LRBA: variants seen among roughly 807,000 people sequenced by gnomAD.
LRBA encodes lipopolysaccharide-responsive and beige-like anchor protein.
A neutral mutation model predicts 330.0 loss-of-function variants in LRBA; 176 were observed. That is an observed-to-expected ratio of 0.53 (90% CI 0.47 to 0.60). The LOEUF is 0.60. Ranked by LOEUF, LRBA falls within the 20% of genes least tolerant of loss-of-function variation. The pLI is 0.00. For synonymous variants in LRBA, 1,230 were observed against 1,193.0 expected (o/e 1.03, Z -0.64); for missense variants, 3,259 against 3,444.8 (o/e 0.95, Z 1.35).
chr4:150,353,736 A>G (rs1234131282), intron 47 of LRBA, among the ~76,000 whole-genome samples: 1 of 152,170 alleles, frequency 6.6e-6, no homozygotes, highest in Non-Finnish European at 1.5e-5. Flanking sequence ...CTCACCTTAC[A>G]TTGTCATAGG....
intron 37 of LRBA, among the ~76,000 whole-genome samples, chr4:150,618,322 C>G (rs1167441222): frequency 1.3e-5 from 2 of 152,108 alleles, no homozygotes; most frequent in Admixed American, 6.6e-5. Context: ...TCTTGTCTAT[C>G]TGAAAGACTC....
intron 44 of LRBA, among the ~76,000 whole-genome samples, chr4:150,441,714 C>T (rs189630365): frequency 2.1e-3 from 321 of 152,088 alleles, no homozygotes; most frequent in Non-Finnish European, 3.2e-3. Context: ...AGTAACCTAG[C>T]TCGAAATCAA....
chr4:150,765,007 T>G (rs1735564504), intron 34 of LRBA, among the ~76,000 whole-genome samples: 1 of 151,504 alleles, frequency 6.6e-6, no homozygotes, highest in Non-Finnish European at 1.5e-5. Flanking sequence ...TGCCAAAACT[T>G]AGAAGCAAAC....
chr4:150,710,902 G>A (rs1473446648), intron 36 of LRBA, among the ~76,000 whole-genome samples: 1 of 151,890 alleles, frequency 6.6e-6, no homozygotes, highest in Non-Finnish European at 1.5e-5. Flanking sequence ...GTTGGCTAAA[G>A]GATACTATTA....
chr4:150,516,734 G>T (rs1467705383), intron 40 of LRBA, among the ~76,000 whole-genome samples: 1 of 152,044 alleles, frequency 6.6e-6, no homozygotes, highest in African/African-American at 2.4e-5. Flanking sequence ...AATACATTTT[G>T]CTGACAAGAG....
chr4:150,350,869 G>A (rs1038048720), intron 47 of LRBA, among the ~76,000 whole-genome samples: 1 of 152,078 alleles, frequency 6.6e-6, no homozygotes, highest in Non-Finnish European at 1.5e-5. Flanking sequence ...CCATCCACTT[G>A]AAATATTTAT....
chr4:150,929,099 A>G (rs893402767), intron 2 of LRBA, 34 bp from the exon 3 acceptor site: 9 of 1,351,930 alleles, frequency 6.7e-6, no homozygotes, highest in Non-Finnish European at 9.4e-6. Context: ...CATTAAAAGC[A>G]TTAGTATCCT....
rs1048371420 is a variant in LRBA at position 150,618,687 on chromosome 4, G to T, written c.5922-19556C>A. Among the ~76,000 whole-genome samples the T allele has an allele frequency of 9.2e-5, 14 of 151,898 alleles. 1 individual carries two copies. The highest frequency in any genetic ancestry group is 1.8e-4 in the Non-Finnish European group (12 of 67,928). ...CAGCAATAAACTATATTATGTCCTA[G>T]TCAGTTCATTAGTTTTACTGCAAAT... On this transcript the variant is annotated intron_variant, in intron 37 of 56. Transcript: ENST00000651943.
intron 42 of LRBA, among the ~76,000 whole-genome samples, chr4:150,482,147 T>A (rs566998435): frequency 3.2e-4 from 49 of 152,220 alleles, no homozygotes; most frequent in Middle Eastern, 3.4e-3. Context: ...ATGGAATATT[T>A]CCATGATCCC....
chr4:150,565,993 G>C (rs1504784), intron 40 of LRBA, among the ~76,000 whole-genome samples: 131,248 of 151,356 alleles, frequency 0.87, 57,803 homozygotes, highest in Non-Finnish European at 0.95. Context: ...CTGGGGAAGC[G>C]AAGATAAGAG....
intron 40 of LRBA, among the ~76,000 whole-genome samples, chr4:150,556,205 C>G (rs979692882): frequency 6.6e-6 from 1 of 151,996 alleles, no homozygotes; most frequent in Non-Finnish European, 1.5e-5. Flanking sequence ...AACATGCTCT[C>G]CAATAGCTTT....
At chr4:150,996,182 G>A (rs1324228372) in intron 2 of LRBA, among the ~76,000 whole-genome samples, 2 of 151,906 alleles carry the variant, frequency 1.3e-5, no homozygotes, top group Admixed American at 6.5e-5. Context: ...AAATTTCACG[G>A]TTCAAGTGAA....
At chr4:150,932,665 C>T (rs1438950595) in intron 2 of LRBA, among the ~76,000 whole-genome samples, 2 of 152,090 alleles carry the variant, frequency 1.3e-5, no homozygotes, top group Admixed American at 6.5e-5. Flanking sequence ...CCTGTAATCC[C>T]GGGACTTTGG....
chr4:150,707,261 G>C (rs1297882531), intron 36 of LRBA, among the ~76,000 whole-genome samples: 1 of 151,534 alleles, frequency 6.6e-6, no homozygotes, highest in African/African-American at 2.4e-5. Context: ...TAAATGAATA[G>C]ATTGAAAAAT....
chr4:150,723,855 T>C (rs1229701378), intron 36 of LRBA, among the ~76,000 whole-genome samples: 2 of 152,186 alleles, frequency 1.3e-5, no homozygotes, highest in African/African-American at 4.8e-5. Context: ...GTCTCAGGCC[T>C]GGCAGCATTC....
Position 151,014,262 on chromosome 4 carries a change from C to A in LRBA, c.216+165G>T, listed in dbSNP as rs938315121. 17 of 588,026 alleles carry A rather than the reference C, an allele frequency of 2.9e-5. 1 individual carries two copies. The highest frequency in any genetic ancestry group is 1.7e-4 in the East Asian group (6 of 35,958). 36.4% of individuals were successfully genotyped at this position (588,026 alleles called of 1,614,324 possible). A position where few individuals can be genotyped will look rare whatever the true frequency, so the allele number is the denominator to read the frequency against. ...CTAAGTTTGCACAATTCCCTTCAAT[C>A]TAAAAAACAGATGAAATTGTTTCAT... is the stretch of plus-strand genomic sequence containing the variant. On this transcript the variant is annotated intron_variant, in intron 2 of 56. Transcript: ENST00000651943.
chr4:150,780,646 T>C (rs370204697), intron 34 of LRBA, among the ~76,000 whole-genome samples: 260 of 139,202 alleles, frequency 1.9e-3, no homozygotes, highest in Admixed American at 3.9e-3. Context: ...TATATATATA[T>C]GTGTATATAT....
At position 150,265,600 on chromosome 4, in the gene LRBA, A is replaced by ACTT. The variant is rs1745202558; in HGVS notation, c.*119_*121dup. 1.5e-6 allele frequency: 1 copy of ACTT among 656,102 alleles called. No individual in the cohort carries two copies. The highest frequency in any genetic ancestry group is 2.8e-5 in the East Asian group (1 of 35,844). 40.6% of individuals were successfully genotyped at this position (656,102 alleles called of 1,614,324 possible). Reference sequence around the variant, plus strand: ...ACTACAAAAATAGCAATTATTAATAACTTTAAAAAATATTTTGCTTCTTTG... The same window carrying ACTT: ...ACTACAAAAATAGCAATTATTAATAACTTCTTTAAAAAATATTTTGCTTCTTTG... On this transcript the variant is annotated 3_prime_UTR_variant, in exon 57 of 57. Coordinates refer to ENST00000651943, the MANE Select transcript of LRBA (RefSeq NM_001364905.1).
At chr4:150,498,513 C>G (rs1759851414) in intron 40 of LRBA, among the ~76,000 whole-genome samples, 1 of 151,614 alleles carries the variant, frequency 6.6e-6, no homozygotes, top group African/African-American at 2.4e-5. Context: ...TGAAAGAAGG[C>G]AAGAAACCAA....
Sources: gnomAD v4.1 joint callset for allele counts (sites outside exome capture counted in the v4.1 genomes callset) on GRCh38, gnomAD v4.1.1 for gene constraint, MANE v1.5 for transcripts, NCBI Gene and HGNC (gene_info 2026-07-23, HGNC 2026-07-21) for gene names.